The following SFTPC variants were observed in gnomAD, a reference collection of about 807,000 sequenced individuals.
The protein encoded by SFTPC is surfactant protein C, also known as BRICHOS domain containing 6.
A neutral mutation model predicts 19.9 loss-of-function variants in SFTPC; 12 were observed. That is an observed-to-expected ratio of 0.60 (90% CI 0.39 to 0.98). The LOEUF (loss-of-function observed/expected upper bound fraction) is 0.98. Among genes scored for constraint, SFTPC ranks in the 50% least tolerant of loss-of-function variants. The pLI is 0.00. For synonymous variants in SFTPC, 123 were observed against 103.3 expected, an observed-to-expected ratio of 1.19 and a Z score of -1.16; for missense variants, 219 against 252.2, an observed-to-expected ratio of 0.87 and a Z score of 0.89.
intron 5 of SFTPC, 34 bp from the exon 6 acceptor site, chr8:22,164,228 TTCTC>T (rs779309006): frequency 1.1e-5 from 16 of 1,503,140 alleles, no homozygotes; most frequent in Non-Finnish European, 8.9e-7. Flanking sequence ...ACTCCCCTGA[TTCTC>T]TCTGTCCATC....
Position 22,163,457 on chromosome 8 carries a change from G to A in SFTPC, c.346G>A (p.Ala116Thr). The A allele has an allele frequency of 6.2e-7, 1 of 1,614,016 alleles. No individual in the cohort carries two copies. The highest frequency in any genetic ancestry group is 8.5e-7 in the Non-Finnish European group (1 of 1,179,946). ...YQQLLIAYKP[A>T]PGTCCYIMKI... is the part of the protein sequence containing the mutation. ...CTAGCTGCTGATCGCCTACAAGCCA[G>A]CCCCTGGCACCTGCTGCTACATCAT... Residue 116 changes from alanine (A) to threonine (T), a missense_variant, in exon 4 of 6, where the codon GCC (alanine) becomes ACC (threonine). Coordinates refer to ENST00000679463, the MANE Select transcript of SFTPC (RefSeq NM_001317778.2).
upstream of SFTPC, chr8:22,158,518 A>T (rs8192308): frequency 6.6e-6 from 1 of 152,210 alleles, no homozygotes; most frequent in African/African-American, 2.4e-5. Context: ...TCCATCACTC[A>T]GGGCTCTCAG....
upstream of SFTPC, chr8:22,159,612 G>T (rs1226424811): frequency 2.3e-5 from 10 of 425,728 alleles, no homozygotes; most frequent in Non-Finnish European, 3.7e-5. Flanking sequence ...GCTTGTGACA[G>T]CTACAGCCTA....
rs1393582225 is a variant in SFTPC, at chr8:22,164,456, A to G, written c.*209A>G. 6.8e-7 allele frequency: 1 copy of G among 1,464,210 alleles called. No homozygotes were observed. The highest frequency in any genetic ancestry group is 9.0e-7 in the Non-Finnish European group (1 of 1,115,316). 90.7% of individuals were successfully genotyped at this position (1,464,210 alleles called of 1,614,324 possible). A position where few individuals can be genotyped will look rare whatever the true frequency, so the allele number is the denominator to read the frequency against. On this transcript the variant is annotated 3_prime_UTR_variant, in exon 6 of 6. Coordinates refer to ENST00000679463, the MANE Select transcript of SFTPC (RefSeq NM_001317778.2). ...CCGGGAACTCCTGCCACAACAGAATAAAGCAGCCTGATTGAAAAGCAAAGG... is the reference window on the plus strand; with the variant it reads ...CCGGGAACTCCTGCCACAACAGAATGAAGCAGCCTGATTGAAAAGCAAAGG...
rs77993514 is a variant in SFTPC, at chr8:22,162,969, C to A, written c.202-111C>A. On this transcript the variant is annotated intron_variant, in intron 2 of 5. Coordinates refer to ENST00000679463, the MANE Select transcript of SFTPC (RefSeq NM_001317778.2). The stretch of plus-strand genomic sequence containing the variant: ...CCTGGTTCCACTCAGCCTCCCTGAA[C>A]TCTTGGGAAAGAGGGAAGCGCATTT... 49 of 1,517,780 alleles carry A rather than the reference C, an allele frequency of 3.2e-5. No individual in the cohort carries two copies. The South Asian group carries it at 5.5e-4, about 17-fold the overall frequency. 94.0% of individuals were successfully genotyped at this position (1,517,780 alleles called of 1,614,324 possible).
At chr8:22,163,639 A>T (rs1827873337) in intron 4 of SFTPC, 93 bp downstream of exon 4, 1 of 924,028 alleles carries the variant, frequency 1.1e-6, no homozygotes. Flanking sequence ...CCTGTAAAGC[A>T]CTGTTCCTCA....
At chr8:22,163,286 C>T (rs1000657233) in intron 3 of SFTPC, 84 bp downstream of exon 3, 130 of 1,584,946 alleles carry the variant, frequency 8.2e-5, no homozygotes, top group Non-Finnish European at 1.0e-4. Context: ...CATCCACATC[C>T]ATCTCTCCCT....
Position 22,164,265 on chromosome 8 carries a change from G to A in SFTPC, c.*19-1G>A. 6.5e-7 allele frequency: 1 copy of A among 1,536,182 alleles called. No individual in the cohort carries two copies. Among genetic ancestry groups the A allele is most frequent in the Middle Eastern group, 1.7e-4 (1 of 5,990 alleles). ...ATCCTCAACATTCCTTTGCTTCACA[G>A]GGTCAGTGGAAGCCCCAACGGGAAA... On this transcript the variant is annotated splice_acceptor_variant, in intron 5 of 5. Coordinates refer to ENST00000679463, the MANE Select transcript of SFTPC (RefSeq NM_001317778.2). LOFTEE classifies it low-confidence loss of function (3UTR_SPLICE).
Position 22,163,980 on chromosome 8 carries a change from C to G in SFTPC, c.515C>G (p.Pro172Arg). 3.7e-6 allele frequency: 6 copies of G among 1,612,862 alleles called. No homozygotes were observed. The highest frequency in any genetic ancestry group is 5.1e-6 in the Non-Finnish European group (6 of 1,180,036). The change falls in exon 5 of 6, where the codon CCG (proline) becomes CGG (arginine). Residue 172 changes from proline to arginine, a missense_variant. Physicochemically the swap from Pro to Arg is moderately radical, Grantham distance 103. Coordinates refer to ENST00000679463, the MANE Select transcript of SFTPC (RefSeq NM_001317778.2). ...DAGSAPSGGD[P>R]AFLGMAVSTL... ...GGCTCAGCACCCTCCGGAGGGGACC[C>G]GGCCTTCCTGGGCATGGCCGTGAGC...
chr8:22,161,335 G>C (rs78333736), upstream of SFTPC, among the ~76,000 whole-genome samples: 326 of 152,322 alleles, frequency 2.1e-3, 3 homozygotes, highest in African/African-American at 6.5e-3. Context: ...CTTGGGCAGA[G>C]TCCTCTCAGA....
At chr8:22,163,325 C>A in intron 3 of SFTPC, 111 bp from the exon 4 acceptor site, 1 of 1,534,592 alleles carries the variant, frequency 6.5e-7, no homozygotes. Context: ...GCCTGAGCCC[C>A]AGATTCTAGT....
chr8:22,163,211 G>A lies in SFTPC; in HGVS notation c.324+9G>A. The A allele has an allele frequency of 4.3e-6, 7 of 1,614,146 alleles. No homozygotes were observed. Among genetic ancestry groups the A allele is most frequent in the Non-Finnish European group, 4.2e-6 (5 of 1,180,020 alleles). ...TGTATGACTACCAGCAGGTGGGTAT[G>A]CCCAGACCTCCTGACCCTGGGACCA... On this transcript the variant is annotated intron_variant, in intron 3 of 5. Transcript: ENST00000679463.
At chr8:22,159,866 C>T (rs559981805), upstream of SFTPC, 26 of 1,287,186 alleles carry the variant, frequency 2.0e-5, no homozygotes, top group East Asian at 1.1e-4. Context: ...GTGAGTCAGC[C>T]GATCAATCCC....
At position 22,163,951 on chromosome 8, in the gene SFTPC, T is replaced by C. The variant is rs1827904155; in HGVS notation, c.486T>C (p.Asp162=). 2 of 1,613,598 alleles carry C rather than the reference T, an allele frequency of 1.2e-6. No individual in the cohort carries two copies. The highest frequency in any genetic ancestry group is 1.7e-6 in the Non-Finnish European group (2 of 1,180,034). The change falls in exon 5 of 6, where the codon GAT becomes GAC. Residue 162 remains aspartate, a synonymous_variant. Transcript: ENST00000679463. ...TSKLGQAEGR[D]AGSAPSGGDP... is the part of the protein sequence containing the mutation. ...AGCTGGGCCAGGCAGAGGGGCGAGATGCAGGCTCAGCACCCTCCGGAGGGG... is the reference window on the plus strand; with the variant it reads ...AGCTGGGCCAGGCAGAGGGGCGAGACGCAGGCTCAGCACCCTCCGGAGGGG...
At chr8:22,163,630 C>G in intron 4 of SFTPC, 84 bp downstream of exon 4, 1 of 949,788 alleles carries the variant, frequency 1.1e-6, no homozygotes. Flanking sequence ...TATTTGTCAC[C>G]TGTAAAGCAC....
chr8:22,161,261 C>A (rs890050928), upstream of SFTPC, among the ~76,000 whole-genome samples: 1 of 152,148 alleles, frequency 6.6e-6, no homozygotes, highest in Non-Finnish European at 1.5e-5. Flanking sequence ...GAAGTTGGAA[C>A]TGGTCCTTGC....
chr8:22,162,217 G>T (rs8192323), intron 1 of SFTPC, among the ~76,000 whole-genome samples: 1 of 152,168 alleles, frequency 6.6e-6, no homozygotes, highest in African/African-American at 2.4e-5. Flanking sequence ...GGAGAAGGAG[G>T]AAGGCATTCC....
chr8:22,162,535 GA>G, intron 1 of SFTPC, 38 bp from the exon 2 acceptor site: 1 of 1,611,088 alleles, frequency 6.2e-7, no homozygotes, highest in African/African-American at 1.3e-5. Flanking sequence ...ACAGCCTCAT[GA>G]CCTCATGCCT....
intron 4 of SFTPC, 90 bp downstream of exon 4, chr8:22,163,636 A>C (rs1279219566): frequency 2.1e-6 from 2 of 942,868 alleles, no homozygotes; most frequent in Non-Finnish European, 3.4e-6. Context: ...TCACCTGTAA[A>C]GCACTGTTCC....
Sources: gnomAD v4.1 joint callset for allele counts (sites outside exome capture counted in the v4.1 genomes callset) on GRCh38, gnomAD v4.1.1 for gene constraint, MANE v1.5 for transcripts, NCBI Gene and HGNC (gene_info 2026-07-23, HGNC 2026-07-21) for gene names.